The following ARNT variants were observed in gnomAD, a reference collection of about 807,000 sequenced individuals.
The protein encoded by ARNT is class E basic helix-loop-helix protein 2.
In ARNT, 30 loss-of-function variants were observed where a neutral mutation model predicts 105.0. That is an observed-to-expected ratio of 0.29 (90% CI 0.21 to 0.39). The LOEUF (loss-of-function observed/expected upper bound fraction) is 0.39. Among genes scored for constraint, ARNT ranks in the 10% least tolerant of loss-of-function variants. The pLI, the probability that ARNT is intolerant of heterozygous loss-of-function variation, is 1.00. For missense variants in ARNT, 748 were observed against 978.7 expected (o/e 0.76, Z 3.15); for synonymous variants, 304 against 344.0 (o/e 0.88, Z 1.29).
chr1:150,834,754 G>T, intron 7 of ARNT, 114 bp from the exon 8 acceptor site: 1 of 832,266 alleles, frequency 1.2e-6, no homozygotes, highest in Non-Finnish European at 1.9e-6. Flanking sequence ...TAATCTCCTT[G>T]CTTATAACAG....
intron 20 of ARNT, 125 bp downstream of exon 20, chr1:150,813,952 G>C: frequency 7.8e-7 from 1 of 1,290,170 alleles, no homozygotes; most frequent in Non-Finnish European, 1.1e-6. Flanking sequence ...TAAATAGATT[G>C]TCACCTTGCA....
At chr1:150,855,220 A>G (rs1664370020) in intron 2 of ARNT, among the ~76,000 whole-genome samples, 1 of 152,204 alleles carries the variant, frequency 6.6e-6, no homozygotes, top group Non-Finnish European at 1.5e-5. Flanking sequence ...TAGATGTCCC[A>G]AAATAGGAAG....
intron 13 of ARNT, among the ~76,000 whole-genome samples, chr1:150,826,190 T>C (rs587716774): frequency 1.3e-5 from 2 of 152,216 alleles, no homozygotes; most frequent in East Asian, 1.9e-4. Context: ...GCTGGGATTA[T>C]AGGCGTGAGC....
chr1:150,858,736 C>T (rs587735496), intron 1 of ARNT, among the ~76,000 whole-genome samples: 25 of 151,902 alleles, frequency 1.6e-4, no homozygotes, highest in Admixed American at 5.3e-4. Context: ...ATCCTCCCAC[C>T]TCAGCTTCTG....
rs1654453451 is a variant in ARNT at position 150,810,088 on chromosome 1, A to C, written c.*1933T>G. The C allele has an allele frequency of 4.3e-6, 1 of 230,376 alleles. No individual in the cohort carries two copies. The highest frequency in any genetic ancestry group is 2.2e-5 in the African/African-American group (1 of 45,142). 14.3% of individuals were successfully genotyped at this position (230,376 alleles called of 1,614,324 possible). A position where few individuals can be genotyped will look rare whatever the true frequency, so the allele number is the denominator to read the frequency against. ...AGCCGCAATCAAGATCACACAACACAAGAAATTTTACAAAAGGAAAAAATA... is the reference window on the plus strand; with the variant it reads ...AGCCGCAATCAAGATCACACAACACCAGAAATTTTACAAAAGGAAAAAATA... On this transcript the variant is annotated 3_prime_UTR_variant, in exon 22 of 22. Transcript: ENST00000358595.
At chr1:150,865,930 A>G (rs1340449729) in intron 1 of ARNT, among the ~76,000 whole-genome samples, 1 of 151,736 alleles carries the variant, frequency 6.6e-6, no homozygotes, top group East Asian at 1.9e-4. Flanking sequence ...TAGCTATGGA[A>G]TTCTAAATTA....
chr1:150,836,730 C>G (rs1322805840), intron 6 of ARNT, among the ~76,000 whole-genome samples: 1 of 152,126 alleles, frequency 6.6e-6, no homozygotes, highest in East Asian at 1.9e-4. Flanking sequence ...TCCTCTCTAT[C>G]TCAGGATTCA....
chr1:150,812,179 A>G, intron 21 of ARNT, 69 bp from the exon 22 acceptor site: 1 of 1,175,710 alleles, frequency 8.5e-7, no homozygotes. Flanking sequence ...GTTCTACTCC[A>G]CCATTCCCCT....
intron 1 of ARNT, among the ~76,000 whole-genome samples, chr1:150,870,088 T>G (rs1667203726): frequency 6.6e-6 from 1 of 152,204 alleles, no homozygotes. Context: ...GATGACTGTG[T>G]AGATGGACTG....
intron 1 of ARNT, among the ~76,000 whole-genome samples, chr1:150,859,062 T>A (rs995639005): frequency 1.4e-5 from 2 of 147,754 alleles, no homozygotes; most frequent in Non-Finnish European, 3.0e-5. Flanking sequence ...TAATATTGTA[T>A]AGACTTAATA....
intron 2 of ARNT, among the ~76,000 whole-genome samples, chr1:150,855,263 T>G (rs924645887): frequency 6.6e-6 from 1 of 152,078 alleles, no homozygotes; most frequent in Non-Finnish European, 1.5e-5. Flanking sequence ...CCATTAAAAA[T>G]TATGTTTATG....
At chr1:150,848,277 G>A (rs1259663237) in intron 3 of ARNT, among the ~76,000 whole-genome samples, 3 of 152,112 alleles carry the variant, frequency 2.0e-5, no homozygotes, top group Non-Finnish European at 2.9e-5. Context: ...CCAACATGGC[G>A]AAACCTTGTC....
intron 13 of ARNT, 102 bp downstream of exon 13, chr1:150,826,440 TA>T: frequency 1.1e-6 from 1 of 908,232 alleles, no homozygotes; most frequent in Non-Finnish European, 1.7e-6. Flanking sequence ...CTAAAGAACA[TA>T]AAACTGTAGT....
intron 2 of ARNT, among the ~76,000 whole-genome samples, chr1:150,856,554 G>A (rs1247052640): frequency 6.6e-6 from 1 of 151,892 alleles, no homozygotes; most frequent in Non-Finnish European, 1.5e-5. Flanking sequence ...CCTGAGGTCA[G>A]GAGTTCGAGA....
At chr1:150,824,305 C>T (rs187349104) in intron 13 of ARNT, among the ~76,000 whole-genome samples, 1 of 151,876 alleles carries the variant, frequency 6.6e-6, no homozygotes, top group Non-Finnish European at 1.5e-5. Flanking sequence ...TTCCCTACTT[C>T]CCTTGGGAAA....
rs1431148300 is a variant in ARNT at position 150,817,350 on chromosome 1, A to T, written c.1578+11T>A. 6.2e-7 allele frequency: 1 copy of T among 1,613,808 alleles called. No homozygotes were observed. The highest frequency in any genetic ancestry group is 8.5e-7 in the Non-Finnish European group (1 of 1,179,684). On this transcript the variant is annotated intron_variant, in intron 16 of 21. Coordinates refer to ENST00000358595, the MANE Select transcript of ARNT (RefSeq NM_001668.4). ...CTCCCTACCCTCTTCAACGAAGAGG[A>T]CACAACTCACCTGGGAATGATTGTA... is the stretch of plus-strand genomic sequence containing the variant.
At chr1:150,869,465 ACACT>A (rs1667121878) in intron 1 of ARNT, among the ~76,000 whole-genome samples, 2 of 152,198 alleles carry the variant, frequency 1.3e-5, no homozygotes, top group African/African-American at 4.8e-5. Flanking sequence ...TGACAGAAGG[ACACT>A]CAGTCTCAAA....
chr1:150,850,589 T>C (rs965149494), intron 3 of ARNT, among the ~76,000 whole-genome samples: 6 of 152,348 alleles, frequency 3.9e-5, no homozygotes, highest in Non-Finnish European at 7.3e-5. Context: ...CAGTGCTCAA[T>C]GTTGCCCAGG....
chr1:150,863,829 AAAG>A (rs1014979472), intron 1 of ARNT, among the ~76,000 whole-genome samples: 5 of 152,124 alleles, frequency 3.3e-5, no homozygotes, highest in Admixed American at 6.6e-5. Flanking sequence ...AAAAAAAAGT[AAAG>A]AAGAAGAAAA....
Sources: gnomAD v4.1 joint callset for allele counts (sites outside exome capture counted in the v4.1 genomes callset) on GRCh38, gnomAD v4.1.1 for gene constraint, MANE v1.5 for transcripts, NCBI Gene and HGNC (gene_info 2026-07-23, HGNC 2026-07-21) for gene names.